The following SEC14L5 variants were observed in gnomAD, a reference collection of about 807,000 sequenced individuals.
The protein encoded by SEC14L5 is SEC14-like protein 5.
A neutral mutation model predicts 84.6 loss-of-function variants in SEC14L5; 96 were observed. The ratio of observed to expected loss-of-function variants is 1.13; its 90% confidence interval spans 0.96 to 1.34. The LOEUF is 1.34. SEC14L5 is among the 40% of genes most tolerant of loss of function. SEC14L5 has a pLI of 0.00. For missense variants in SEC14L5, 1,224 were observed against 942.5 expected (o/e 1.30, Z -3.91); for synonymous variants, 546 against 383.4 (o/e 1.42, Z -4.95).
chr16:5,004,741 G>A (rs1955712687), intron 11 of SEC14L5, among the ~76,000 whole-genome samples: 1 of 152,184 alleles, frequency 6.6e-6, no homozygotes, highest in African/African-American at 2.4e-5. Context: ...GAACTGGCCT[G>A]TTATCTGCCA....
chr16:5,001,711 C>G (rs374244488), intron 10 of SEC14L5, among the ~76,000 whole-genome samples: 25 of 152,290 alleles, frequency 1.6e-4, no homozygotes, highest in African/African-American at 4.8e-4. Flanking sequence ...CCAGTACTTA[C>G]GGTGGCATCG....
At chr16:4,998,003 CTT>C (rs35302716) in intron 8 of SEC14L5, among the ~76,000 whole-genome samples, 8 of 77,888 alleles carry the variant, frequency 1.0e-4, no homozygotes, top group Admixed American at 2.7e-4. Context: ...GACTCTAGTT[CTT>C]TTTTTTTTTT....
intron 15 of SEC14L5, among the ~76,000 whole-genome samples, chr16:5,014,302 G>T (rs1043222381): frequency 5.3e-5 from 8 of 152,208 alleles, no homozygotes; most frequent in African/African-American, 1.7e-4. Context: ...TAATCCAAGT[G>T]CTTTGGGAGG....
At chr16:4,999,654 T>C (rs1402486471) in intron 8 of SEC14L5, among the ~76,000 whole-genome samples, 1 of 149,192 alleles carries the variant, frequency 6.7e-6, no homozygotes, top group Non-Finnish European at 1.5e-5. Flanking sequence ...TGGGCTCACG[T>C]CTGTAATCCC....
At chr16:4,965,660 C>CAAAA (rs34483309) in intron 2 of SEC14L5, among the ~76,000 whole-genome samples, 10 of 53,108 alleles carry the variant, frequency 1.9e-4, no homozygotes, top group South Asian at 1.4e-3. Flanking sequence ...GACTCCATCT[C>CAAAA]AAAAAAAAAA....
chr16:4,977,267 T>C (rs1955354039), intron 2 of SEC14L5, among the ~76,000 whole-genome samples: 1 of 151,252 alleles, frequency 6.6e-6, no homozygotes. Flanking sequence ...GCCAACATGG[T>C]GAAACCCCAT....
At chr16:4,993,083 C>T (rs1442859882) in intron 6 of SEC14L5, among the ~76,000 whole-genome samples, 1 of 151,926 alleles carries the variant, frequency 6.6e-6, no homozygotes, top group Non-Finnish European at 1.5e-5. Context: ...TGCTCTGTTG[C>T]CCAGCTTGGT....
chr16:4,982,509 A>G (rs1236718984), intron 2 of SEC14L5, among the ~76,000 whole-genome samples: 4 of 151,502 alleles, frequency 2.6e-5, no homozygotes, highest in African/African-American at 7.3e-5. Flanking sequence ...CCAGCTCTAC[A>G]CCCCCGCCTG....
chr16:5,016,794 C>A lies in SEC14L5; in HGVS notation c.*1824C>A, dbSNP rs1955879233. On this transcript the variant is annotated 3_prime_UTR_variant, in exon 16 of 16. Transcript: ENST00000251170. Reference sequence around the variant, plus strand: ...AGAGAAAGTGTCATCTTTTCAGATACATCCTTCTTCCTGCTGGGAGAGAGC... The same window carrying A: ...AGAGAAAGTGTCATCTTTTCAGATAAATCCTTCTTCCTGCTGGGAGAGAGC... 6.6e-6 allele frequency: 1 copy of A among 152,272 alleles called. No individual in the cohort carries two copies. 9.4% of individuals were successfully genotyped at this position (152,272 alleles called of 1,614,324 possible). A position where few individuals can be genotyped will look rare whatever the true frequency, so the allele number is the denominator to read the frequency against.
At chr16:4,987,815 A>G (rs796087751) in intron 3 of SEC14L5, 109 bp downstream of exon 3, 4 of 833,552 alleles carry the variant, frequency 4.8e-6, no homozygotes, top group Middle Eastern at 3.7e-4. Flanking sequence ...GAGGTGGAGC[A>G]GGGGCGTGTG....
chr16:5,015,213 C>T lies in SEC14L5; in HGVS notation c.*243C>T. On this transcript the variant is annotated 3_prime_UTR_variant, in exon 16 of 16. Coordinates refer to ENST00000251170, the MANE Select transcript of SEC14L5 (RefSeq NM_014692.2). ...CCGGCTTCGTGTAAGGAAGACCAAG[C>T]CAAGGCCAAGGTGTCTACCATACCA... 1.9e-6 allele frequency: 1 copy of T among 528,444 alleles called. No homozygotes were observed. Among genetic ancestry groups the T allele is most frequent in the Non-Finnish European group, 3.4e-6 (1 of 297,056 alleles). 32.7% of individuals were successfully genotyped at this position (528,444 alleles called of 1,614,324 possible).
At position 5,003,531 on chromosome 16, in the gene SEC14L5, C is replaced by T. The variant is rs1216662042; in HGVS notation, c.1260C>T (p.Leu420=). 5 of 1,512,606 alleles carry T rather than the reference C, an allele frequency of 3.3e-6. No individual in the cohort carries two copies. Among genetic ancestry groups the T allele is most frequent in the African/African-American group, 1.4e-5 (1 of 70,536 alleles). 93.7% of individuals were successfully genotyped at this position (1,512,606 alleles called of 1,614,324 possible). A position where few individuals can be genotyped will look rare whatever the true frequency, so the allele number is the denominator to read the frequency against. ...DNYPETLGRL[L]IVRAPRVFPV... ...ACCCAGAGACCCTGGGTCGGCTGCT[C>T]ATCGTGCGAGCCCCCCGAGTCTTCC... The change falls in exon 11 of 16, where the codon CTC becomes CTT. Residue 420 remains leucine (L), a synonymous_variant. Transcript: ENST00000251170.
intron 2 of SEC14L5, among the ~76,000 whole-genome samples, chr16:4,983,504 A>C (rs1955450284): frequency 6.7e-6 from 1 of 149,996 alleles, no homozygotes; most frequent in East Asian, 1.9e-4. Context: ...GTATAGAAAG[A>C]TATATGCACA....
chr16:5,016,203 A>T lies in SEC14L5; in HGVS notation c.*1233A>T, dbSNP rs1428926478. 6.6e-6 allele frequency: 1 copy of T among 152,148 alleles called. No individual in the cohort carries two copies. The highest frequency in any genetic ancestry group is 1.5e-5 in the Non-Finnish European group (1 of 68,046). 9.4% of individuals were successfully genotyped at this position (152,148 alleles called of 1,614,324 possible). On this transcript the variant is annotated 3_prime_UTR_variant, in exon 16 of 16. Transcript: ENST00000251170. ...AGATATGACTCTGGAACTAGGTTCA[A>T]TATTGACATGAGTTCCCCTAGTTAC... is the stretch of plus-strand genomic sequence containing the variant.
At chr16:5,002,758 A>C (rs997100571) in intron 10 of SEC14L5, among the ~76,000 whole-genome samples, 2 of 152,208 alleles carry the variant, frequency 1.3e-5, no homozygotes, top group Admixed American at 6.5e-5. Flanking sequence ...GGAGGCACAG[A>C]GAGGTTCAGG....
At chr16:4,996,237 G>T in intron 6 of SEC14L5, 111 bp from the exon 7 acceptor site, 1 of 673,442 alleles carries the variant, frequency 1.5e-6, no homozygotes, top group Non-Finnish European at 2.6e-6. Context: ...GCCTGGTTTG[G>T]AACCACGTTT....
intron 2 of SEC14L5, among the ~76,000 whole-genome samples, chr16:4,968,197 G>A (rs1327575123): frequency 6.9e-6 from 1 of 144,124 alleles, no homozygotes; most frequent in Non-Finnish European, 1.5e-5. Context: ...TTTTTTTTTT[G>A]AGACGAAGTT....
rs761749454 is a variant in SEC14L5, at chr16:4,996,431, C to T, written c.751C>T (p.His251Tyr). The T allele has an allele frequency of 1.9e-6, 3 of 1,571,292 alleles. No individual in the cohort carries two copies. In the East Asian group the frequency reaches 7.1e-5, roughly 37 times the overall value. Reference protein sequence around the residue: ...MQESCLIQLRHWLQETHKGKI... With the variant: ...MQESCLIQLRYWLQETHKGKI... ...GGAGAGCTGCCTGATCCAGCTTCGGCACTGGTTACAGGAGACCCACAAAGG... is the reference window on the plus strand; with the variant it reads ...GGAGAGCTGCCTGATCCAGCTTCGGTACTGGTTACAGGAGACCCACAAAGG... The change falls in exon 7 of 16, where the codon CAC becomes TAC. Residue 251 changes from histidine (H) to tyrosine (Y), a missense_variant. Physicochemically the swap from His to Tyr is moderately conservative, Grantham distance 83. Coordinates refer to ENST00000251170, the MANE Select transcript of SEC14L5 (RefSeq NM_014692.2).
chr16:4,991,849 G>A lies in SEC14L5; in HGVS notation c.486G>A (p.Val162=), dbSNP rs763273802. The part of the protein sequence containing the change: ...YTANVKRGKE[V]IEHYLNELIS... ...TCTCTGGCTTCCAGGGGAAGGAGGT[G>A]ATTGAGCATTACCTGAATGAGCTCA... Residue 162 remains valine (V), a synonymous_variant, in exon 6 of 16, where the codon GTG becomes GTA. Coordinates refer to ENST00000251170, the MANE Select transcript of SEC14L5 (RefSeq NM_014692.2). 2.5e-6 allele frequency: 4 copies of A among 1,605,092 alleles called. No homozygotes were observed. In the Admixed American group the frequency reaches 5.1e-5, roughly 20 times the overall value.
Sources: allele counts gnomAD v4.1 joint callset (sites outside exome capture counted in the v4.1 genomes callset), GRCh38; gene constraint gnomAD v4.1.1; transcripts MANE v1.5; gene names NCBI Gene and HGNC (gene_info 2026-07-23, HGNC 2026-07-21).